The following TSHZ2 variants were observed in gnomAD, a reference collection of about 807,000 sequenced individuals.
TSHZ2 encodes teashirt zinc finger homeobox 2.
In TSHZ2, 21 loss-of-function variants were observed where a neutral mutation model predicts 74.4. The observed-to-expected ratio is 0.28, with a 90% CI of 0.20 to 0.41. The LOEUF (loss-of-function observed/expected upper bound fraction) is 0.41. TSHZ2 is among the 10% of genes least tolerant of loss of function. The pLI, the probability that TSHZ2 is intolerant of heterozygous loss-of-function variation, is 1.00. For synonymous variants in TSHZ2, 540 were observed against 515.3 expected, an observed-to-expected ratio of 1.05 and a Z score of -0.65; for missense variants, 1,244 against 1,293.5, an observed-to-expected ratio of 0.96 and a Z score of 0.59.
rs1334059287 is a variant in TSHZ2, at chr20:53,490,043, C to T, written c.*2908C>T. The T allele has an allele frequency of 3.3e-5, 5 of 152,164 alleles. No homozygotes were observed. Among genetic ancestry groups the T allele is most frequent in the African/African-American group, 9.7e-5 (4 of 41,428 alleles). The allele number at this position is 152,164 out of a possible 1,614,324, so 9.4% of individuals were successfully genotyped here. On this transcript the variant is annotated 3_prime_UTR_variant, in exon 3 of 3. Transcript: ENST00000371497. ...ACATGCAAATATAATGCAAATTACC[C>T]TCAAGTATCGCCATTCTTCCACCAC...
chr20:53,112,830 C>T (rs1016228185), intron 1 of TSHZ2, among the ~76,000 whole-genome samples: 5 of 152,184 alleles, frequency 3.3e-5, no homozygotes, highest in South Asian at 2.1e-4. Flanking sequence ...GCTGGAAATA[C>T]GTTTTTGATG....
intron 2 of TSHZ2, among the ~76,000 whole-genome samples, chr20:53,322,624 C>G (rs1377372923): frequency 1.3e-5 from 2 of 152,222 alleles, no homozygotes; most frequent in Admixed American, 6.5e-5. Context: ...TCTGCCTCCT[C>G]TTGAGCCAGT....
chr20:53,394,961 G>A (rs1568898654), intron 2 of TSHZ2, among the ~76,000 whole-genome samples: 1 of 149,314 alleles, frequency 6.7e-6, no homozygotes, highest in Non-Finnish European at 1.5e-5. Context: ...CCTCCTTCTT[G>A]CCTTCCCATG....
chr20:52,993,170 T>C (rs530726491), intron 1 of TSHZ2, among the ~76,000 whole-genome samples: 2 of 152,370 alleles, frequency 1.3e-5, no homozygotes, highest in African/African-American at 2.4e-5. Flanking sequence ...ATTTCCAATA[T>C]ATAACATCCA....
intron 2 of TSHZ2, among the ~76,000 whole-genome samples, chr20:53,447,094 A>G (rs981112593): frequency 2.0e-5 from 3 of 152,186 alleles, no homozygotes; most frequent in African/African-American, 2.4e-5. Flanking sequence ...CTCCTTCTCA[A>G]TAGTCACAGA....
At chr20:53,226,215 CT>C (rs1393138915) in intron 1 of TSHZ2, among the ~76,000 whole-genome samples, 3 of 151,388 alleles carry the variant, frequency 2.0e-5, no homozygotes, top group African/African-American at 7.3e-5. Flanking sequence ...GCCATGGGAG[CT>C]TTGGGGACAG....
At position 53,345,122 on chromosome 20, in the gene TSHZ2, A is replaced by G. The variant is rs77592171; in HGVS notation, c.*8+88551A>G. Among the ~76,000 whole-genome samples, 100 of 152,328 alleles carry G rather than the reference A, an allele frequency of 6.6e-4. 2 individuals carry two copies. The East Asian group carries it at 0.017, about 26-fold the overall frequency. ...GGAAGTGGTCAGGGAAGCCTCCTGG[A>G]GGAAGTGACATTTCAGTTGAGACTT... is the stretch of plus-strand genomic sequence containing the variant. On this transcript the variant is annotated intron_variant, in intron 2 of 2. Transcript: ENST00000371497.
At chr20:53,245,609 A>G (rs6097316) in intron 1 of TSHZ2, among the ~76,000 whole-genome samples, 17,147 of 152,270 alleles carry the variant, frequency 0.11, 1,080 homozygotes, top group African/African-American at 0.14. Flanking sequence ...CCTGGCACAT[A>G]GGAATCCTCT....
At position 53,192,654 on chromosome 20, in the gene TSHZ2, C is replaced by G. The variant is rs142254388; in HGVS notation, c.41-60845C>G. Reference sequence around the variant, plus strand: ...GAATGTAAAGACCAGGACAGAAGGGCTCTCCTGGGTGTCTCCTGACAGAAG... The same window carrying G: ...GAATGTAAAGACCAGGACAGAAGGGGTCTCCTGGGTGTCTCCTGACAGAAG... On this transcript the variant is annotated intron_variant, in intron 1 of 2. Coordinates refer to ENST00000371497, the MANE Select transcript of TSHZ2 (RefSeq NM_173485.6). Among the ~76,000 whole-genome samples the G allele has an allele frequency of 8.6e-5, 13 of 151,750 alleles. No individual in the cohort carries two copies. The East Asian group carries it at 2.3e-3, about 27-fold the overall frequency.
chr20:53,030,742 C>G (rs1439340440), intron 1 of TSHZ2, among the ~76,000 whole-genome samples: 4 of 152,190 alleles, frequency 2.6e-5, no homozygotes, highest in Admixed American at 1.3e-4. Flanking sequence ...ACAGATATCA[C>G]CACTGGTAAT....
chr20:53,175,524 T>A (rs1246592401), intron 1 of TSHZ2, among the ~76,000 whole-genome samples: 1 of 152,150 alleles, frequency 6.6e-6, no homozygotes, highest in Non-Finnish European at 1.5e-5. Flanking sequence ...CCCTTGTGCT[T>A]ATATCAACGG....
At chr20:53,009,496 C>T (rs970613608) in intron 1 of TSHZ2, among the ~76,000 whole-genome samples, 2 of 152,156 alleles carry the variant, frequency 1.3e-5, no homozygotes, top group African/African-American at 2.4e-5. Context: ...CTCTGAAAGG[C>T]ACATAATTTA....
chr20:53,190,777 G>C (rs187168581), intron 1 of TSHZ2, among the ~76,000 whole-genome samples: 8 of 152,282 alleles, frequency 5.3e-5, no homozygotes, highest in African/African-American at 1.4e-4. Context: ...TTCTTCCAGT[G>C]ATAAGCCCTA....
chr20:53,149,121 CTGTT>C, intron 1 of TSHZ2, among the ~76,000 whole-genome samples: 1 of 151,340 alleles, frequency 6.6e-6, no homozygotes, highest in Non-Finnish European at 1.5e-5. Context: ...TCCAGTCTGT[CTGTT>C]AGGCGAGGCC....
chr20:53,085,803 A>G (rs1985682222), intron 1 of TSHZ2, among the ~76,000 whole-genome samples: 2 of 152,314 alleles, frequency 1.3e-5, no homozygotes, highest in South Asian at 4.1e-4. Context: ...AGTCATGCCC[A>G]TTACTGAGTT....
At chr20:53,392,588 A>G (rs1248122449) in intron 2 of TSHZ2, among the ~76,000 whole-genome samples, 1 of 152,254 alleles carries the variant, frequency 6.6e-6, no homozygotes, top group Non-Finnish European at 1.5e-5. Context: ...TTGCATGGAA[A>G]AAGAGTAGGA....
intron 1 of TSHZ2, among the ~76,000 whole-genome samples, chr20:53,043,207 C>T (rs898837333): frequency 6.6e-6 from 1 of 152,116 alleles, no homozygotes; most frequent in Non-Finnish European, 1.5e-5. Context: ...AAACTGGTAA[C>T]AGTGGTTACA....
chr20:53,389,922 T>A (rs1982189582), intron 2 of TSHZ2, among the ~76,000 whole-genome samples: 1 of 152,220 alleles, frequency 6.6e-6, no homozygotes, highest in African/African-American at 2.4e-5. Context: ...GTCTAGACCA[T>A]GGCCACTTAT....
At chr20:53,246,330 A>G (rs1003708338) in intron 1 of TSHZ2, among the ~76,000 whole-genome samples, 1 of 152,152 alleles carries the variant, frequency 6.6e-6, no homozygotes, top group African/African-American at 2.4e-5. Context: ...GGCGTGAGCC[A>G]CTGCACCTGG....
Sources: allele counts gnomAD v4.1 joint callset (sites outside exome capture counted in the v4.1 genomes callset), GRCh38; gene constraint gnomAD v4.1.1; transcripts MANE v1.5; gene names NCBI Gene and HGNC (gene_info 2026-07-23, HGNC 2026-07-21).